The following DGCR2 variants were observed in gnomAD, a reference collection of about 807,000 sequenced individuals.
DGCR2 encodes DiGeorge syndrome critical region gene 2, also known as integral membrane protein DGCR2/IDD.
DGCR2 carries 24 observed loss-of-function variants against 51.6 expected under a neutral mutation model. The ratio of observed to expected loss-of-function variants is 0.47; its 90% CI spans 0.34 to 0.65. The LOEUF (loss-of-function observed/expected upper bound fraction) is 0.65, where lower values mean the gene tolerates loss of function less well. DGCR2 is among the 30% of genes least tolerant of loss of function. The pLI, the probability that DGCR2 is intolerant of heterozygous loss-of-function variation, is 0.01. For synonymous variants in DGCR2, 340 were observed against 315.4 expected (o/e 1.08, Z -0.82); for missense variants, 765 against 772.1 (o/e 0.99, Z 0.11).
At chr22:19,101,713 C>A (rs1171544239) in intron 1 of DGCR2, among the ~76,000 whole-genome samples, 1 of 141,692 alleles carries the variant, frequency 7.1e-6, no homozygotes, top group African/African-American at 2.7e-5. Flanking sequence ...TGCACTCCAG[C>A]CTGGGCAACA....
At chr22:19,055,489 G>A (rs2082591397) in intron 6 of DGCR2, among the ~76,000 whole-genome samples, 1 of 152,052 alleles carries the variant, frequency 6.6e-6, no homozygotes, top group African/African-American at 2.4e-5. Flanking sequence ...TCACTGTCCT[G>A]GAGACTGTAG....
At chr22:19,049,441 G>C (rs1490970534) in intron 6 of DGCR2, among the ~76,000 whole-genome samples, 2 of 152,184 alleles carry the variant, frequency 1.3e-5, no homozygotes, top group African/African-American at 4.8e-5. Flanking sequence ...AGAGACATGA[G>C]AAGGTAGCTT....
intron 6 of DGCR2, among the ~76,000 whole-genome samples, chr22:19,048,942 G>A (rs146393429): frequency 6.6e-6 from 1 of 152,348 alleles, no homozygotes; most frequent in East Asian, 1.9e-4. Context: ...TGAAGACTTG[G>A]CCAGATTGTG....
At chr22:19,099,177 GA>G in intron 1 of DGCR2, among the ~76,000 whole-genome samples, 1 of 152,300 alleles carries the variant, frequency 6.6e-6, no homozygotes, top group Non-Finnish European at 1.5e-5. Flanking sequence ...CTGTGGTAAT[GA>G]ACAAAGAAAG....
intron 6 of DGCR2, among the ~76,000 whole-genome samples, chr22:19,051,822 G>A (rs2082551568): frequency 6.6e-6 from 1 of 152,050 alleles, no homozygotes; most frequent in Non-Finnish European, 1.5e-5. Context: ...AACATGAAGA[G>A]GTTTTAACAT....
At chr22:19,071,415 A>C (rs1432602120) in intron 2 of DGCR2, among the ~76,000 whole-genome samples, 1 of 152,256 alleles carries the variant, frequency 6.6e-6, no homozygotes, top group Non-Finnish European at 1.5e-5. Context: ...AACATCACCA[A>C]TAATGAGACA....
At chr22:19,073,803 A>T (rs1426443003) in intron 2 of DGCR2, among the ~76,000 whole-genome samples, 3 of 152,244 alleles carry the variant, frequency 2.0e-5, no homozygotes, top group African/African-American at 7.2e-5. Flanking sequence ...TTTTCCACAT[A>T]AGTGGGGCAG....
chr22:19,081,323 T>C (rs1221937611), intron 2 of DGCR2, among the ~76,000 whole-genome samples: 1 of 152,236 alleles, frequency 6.6e-6, no homozygotes, highest in Non-Finnish European at 1.5e-5. Context: ...TCACTGCGCT[T>C]ATTTTTTTCT....
chr22:19,062,595 GAA>G (rs2082677294), intron 5 of DGCR2, among the ~76,000 whole-genome samples: 1 of 152,128 alleles, frequency 6.6e-6, no homozygotes, highest in African/African-American at 2.4e-5. Context: ...GGCAGCTGGA[GAA>G]GGCACTGCTG....
intron 2 of DGCR2, among the ~76,000 whole-genome samples, chr22:19,081,361 ATAAG>A (rs1272522938): frequency 6.6e-6 from 1 of 152,176 alleles, no homozygotes; most frequent in African/African-American, 2.4e-5. Context: ...GTATGTATCT[ATAAG>A]TAATATAACG....
At chr22:19,078,409 T>C (rs979173223) in intron 2 of DGCR2, among the ~76,000 whole-genome samples, 2 of 152,246 alleles carry the variant, frequency 1.3e-5, no homozygotes, top group South Asian at 2.1e-4. Flanking sequence ...ATTTTGTGTT[T>C]TGACTTTGTG....
chr22:19,062,988 G>C (rs900354746), intron 5 of DGCR2, among the ~76,000 whole-genome samples: 5 of 152,142 alleles, frequency 3.3e-5, no homozygotes, highest in South Asian at 2.1e-4. Flanking sequence ...AGATGCAACA[G>C]AGGGTTCCAG....
intron 1 of DGCR2, among the ~76,000 whole-genome samples, chr22:19,089,992 T>C (rs912424354): frequency 6.6e-6 from 1 of 152,238 alleles, no homozygotes; most frequent in Non-Finnish European, 1.5e-5. Flanking sequence ...AAAGACTATA[T>C]GGCCTGCAAA....
chr22:19,062,689 G>C (rs1473337621), intron 5 of DGCR2, among the ~76,000 whole-genome samples: 1 of 151,884 alleles, frequency 6.6e-6, no homozygotes, highest in South Asian at 2.1e-4. Flanking sequence ...GGAATGTAAA[G>C]GAAACAGCAG....
chr22:19,107,870 G>A (rs1250224684), intron 1 of DGCR2, among the ~76,000 whole-genome samples: 2 of 152,198 alleles, frequency 1.3e-5, no homozygotes, highest in African/African-American at 2.4e-5. Flanking sequence ...ACCACATTTC[G>A]ATCATAGCCA....
In DGCR2 at chr22:19,037,137, C is replaced by CTTGTGGGA. The variant is rs1174026171; in HGVS notation, c.*1727_*1728insTCCCACAA. On this transcript the variant is annotated 3_prime_UTR_variant, in exon 10 of 10. Coordinates refer to ENST00000263196, the MANE Select transcript of DGCR2 (RefSeq NM_005137.3). ...CGTCCTCTGCAGCCAGTAGGGGACT[C>CTTGTGGGA]CTGTGGCCAGGACTTCCTTGTTAAG... The CTTGTGGGA allele has an allele frequency of 2.0e-5, 3 of 152,272 alleles. No homozygotes were observed. Among genetic ancestry groups the CTTGTGGGA allele is most frequent in the Non-Finnish European group, 4.4e-5 (3 of 68,122 alleles). 9.4% of individuals were successfully genotyped at this position (152,272 alleles called of 1,614,324 possible). A position where few individuals can be genotyped will look rare whatever the true frequency, so the allele number is the denominator to read the frequency against.
At chr22:19,062,775 G>GCATTCGCATTCTCTCTCTCT (rs1555903875) in intron 5 of DGCR2, among the ~76,000 whole-genome samples, 1 of 108,860 alleles carries the variant, frequency 9.2e-6, no homozygotes, top group Non-Finnish European at 1.9e-5. Context: ...ACACATGCAT[G>GCATTCGCATTCTCTCTCTCT]CTCACTCTCT....
chr22:19,111,903 T>A (rs1285383069), intron 1 of DGCR2, among the ~76,000 whole-genome samples: 1 of 151,656 alleles, frequency 6.6e-6, no homozygotes, highest in African/African-American at 2.4e-5. Context: ...TAAAAAGTGA[T>A]TTACCAAGAG....
At chr22:19,062,779 A>ATTCCTCCCTCCCTCTCT in intron 5 of DGCR2, among the ~76,000 whole-genome samples, 3 of 127,354 alleles carry the variant, frequency 2.4e-5, no homozygotes, top group Admixed American at 7.8e-5. Flanking sequence ...ATGCATGCTC[A>ATTCCTCCCTCCCTCTCT]CTCTCTCTCT....
Sources: gnomAD v4.1 joint callset for allele counts (sites outside exome capture counted in the v4.1 genomes callset) on GRCh38, gnomAD v4.1.1 for gene constraint, MANE v1.5 for transcripts, NCBI Gene and HGNC (gene_info 2026-07-23, HGNC 2026-07-21) for gene names.